The following USP9Y variants were observed in gnomAD, a reference collection of about 807,000 sequenced individuals.
USP9Y encodes ubiquitin carboxyl-terminal hydrolase 9Y.
Under a neutral mutation model 53.1 loss-of-function variants are expected in USP9Y, and 41 were observed. That is an observed-to-expected ratio of 0.77 (90% CI 0.60 to 1.00). The LOEUF is 1.00. USP9Y is among the 50% of genes least tolerant of loss of function. The pLI is 0.00. For synonymous variants in USP9Y, 220 were observed against 173.7 expected, an observed-to-expected ratio of 1.27 and a Z score of -2.09; for missense variants, 567 against 535.8, an observed-to-expected ratio of 1.06 and a Z score of -0.58.
intron 22 of USP9Y, among the ~76,000 whole-genome samples, chrY:12,784,022 G>A (rs2053499846): frequency 3.0e-5 from 1 of 33,571 alleles, no homozygotes; most frequent in South Asian, 6.6e-4. Context: ...AGGCTGCCAT[G>A]CAACATACAA....
chrY:12,773,735 C>T lies in USP9Y; in HGVS notation c.2141C>T (p.Pro714Leu), dbSNP rs947931066. The T allele has an allele frequency of 5.0e-6, 2 of 396,624 alleles. No homozygotes were observed. The highest frequency in any genetic ancestry group is 7.1e-6 in the Non-Finnish European group (2 of 283,183). The change falls in exon 17 of 46, where the codon CCT (proline) becomes CTT (leucine). Residue 714 changes from proline (P) to leucine (L), a missense_variant. Coordinates refer to ENST00000338981, the MANE Select transcript of USP9Y (RefSeq NM_004654.4). ...ATGGGGGATGAACCAGACTTGGATCCTGATATTAATAAGGACTTCTTTGAA... is the reference window on the plus strand; with the variant it reads ...ATGGGGGATGAACCAGACTTGGATCTTGATATTAATAAGGACTTCTTTGAA... The part of the protein sequence containing the change: ...KLMGDEPDLD[P>L]DINKDFFESN...
chrY:12,751,972 G>C (rs1356972730), intron 12 of USP9Y, among the ~76,000 whole-genome samples: 16 of 33,128 alleles, frequency 4.8e-4, no homozygotes, highest in Non-Finnish European at 1.0e-3. Context: ...ATTGATCTTT[G>C]TTCCTGTGCC....
At position 12,818,591 on chromosome Y, in the gene USP9Y, G is replaced by A; in HGVS notation, c.5002G>A (p.Gly1668Arg). 2.5e-6 allele frequency: 1 copy of A among 395,906 alleles called. No homozygotes were observed. Among genetic ancestry groups the A allele is most frequent in the African/African-American group, 6.4e-5 (1 of 15,546 alleles). Residue 1668 changes from glycine (G) to arginine (R), a missense_variant, in exon 33 of 46, where the codon GGA becomes AGA. Coordinates refer to ENST00000338981, the MANE Select transcript of USP9Y (RefSeq NM_004654.4). ...CCAACTACAATACTATGTACCCAGAGGATTTTGGAAACAGTTCAGGTAAAT... is the reference window on the plus strand; with the variant it reads ...CCAACTACAATACTATGTACCCAGAAGATTTTGGAAACAGTTCAGGTAAAT... ...ASQLQYYVPR[G>R]FWKQFRLWGE... is the part of the protein sequence containing the mutation.
chrY:12,722,790 CAT>C (rs2053437088), intron 5 of USP9Y, among the ~76,000 whole-genome samples: 1 of 33,656 alleles, frequency 3.0e-5, no homozygotes, highest in African/African-American at 1.2e-4. Context: ...ACTTAAGTCA[CAT>C]GTGATTGAGA....
At chrY:12,789,879 G>A in intron 24 of USP9Y, among the ~76,000 whole-genome samples, 1 of 32,730 alleles carries the variant, frequency 3.1e-5, no homozygotes, top group Non-Finnish European at 7.5e-5. Flanking sequence ...GGCAAAGGGG[G>A]ACCAGGAGAA....
At chrY:12,812,662 T>G in intron 30 of USP9Y, among the ~76,000 whole-genome samples, 168 bp from the exon 31 acceptor site, 1 of 33,942 alleles carries the variant, frequency 2.9e-5, no homozygotes, top group African/African-American at 1.1e-4. Context: ...GGAAAACTGA[T>G]TACATTTATT....
intron 42 of USP9Y, 26 bp from the exon 43 acceptor site, chrY:12,856,314 A>G (rs2053576150): frequency 2.6e-6 from 1 of 388,920 alleles, no homozygotes; most frequent in African/African-American, 6.4e-5. Context: ...GGATATTACA[A>G]AGTTTTACAT....
At chrY:12,856,157 C>T in intron 42 of USP9Y, among the ~76,000 whole-genome samples, 183 bp from the exon 43 acceptor site, 1 of 32,758 alleles carries the variant, frequency 3.1e-5, no homozygotes, top group Non-Finnish European at 7.5e-5. Context: ...GCTGTCTGTA[C>T]TTGTTTTCTC....
intron 12 of USP9Y, among the ~76,000 whole-genome samples, chrY:12,742,161 A>T: frequency 3.0e-5 from 1 of 33,743 alleles, no homozygotes; most frequent in Non-Finnish European, 7.3e-5. Context: ...TCCAGAATTT[A>T]TTCCTTCCTG....
At chrY:12,762,973 AT>A (rs2053476825) in intron 15 of USP9Y, among the ~76,000 whole-genome samples, 3 of 33,428 alleles carry the variant, frequency 9.0e-5, no homozygotes. Context: ...TATGATTAGG[AT>A]TATATAAACC....
At chrY:12,812,787 AT>A in intron 30 of USP9Y, 42 bp from the exon 31 acceptor site, 2 of 290,808 alleles carry the variant, frequency 6.9e-6, no homozygotes, top group Non-Finnish European at 1.1e-5. Context: ...CCTAACCTAT[AT>A]TTTCTACTAA....
At chrY:12,785,161 A>G (rs776965170) in intron 22 of USP9Y, among the ~76,000 whole-genome samples, 1 of 32,767 alleles carries the variant, frequency 3.1e-5, no homozygotes, top group East Asian at 7.9e-4. Context: ...CAACTCTTCT[A>G]TTTCTTCCTG....
At position 12,812,907 on chromosome Y, in the gene USP9Y, G is replaced by T. The variant is rs1319908319; in HGVS notation, c.4464G>T (p.Glu1488Asp). 1 of 398,129 alleles carries T rather than the reference G, an allele frequency of 2.5e-6. No homozygotes were observed. Among genetic ancestry groups the T allele is most frequent in the South Asian group, 3.0e-5 (1 of 33,780 alleles). ...TAAGAAGTGGAGAACTACCAGCTGA[G>T]CAGGCTATTCCAGTCTGTAGTTCAC... Reference protein sequence around the residue: ...QYLRSGELPAEQAIPVCSSPV... With the variant: ...QYLRSGELPADQAIPVCSSPV... The change falls in exon 31 of 46, where the codon GAG becomes GAT. Residue 1488 changes from glutamate (E) to aspartate (D), a missense_variant. Coordinates refer to ENST00000338981, the MANE Select transcript of USP9Y (RefSeq NM_004654.4).
At chrY:12,784,078 T>C in intron 22 of USP9Y, among the ~76,000 whole-genome samples, 1 of 33,694 alleles carries the variant, frequency 3.0e-5, no homozygotes, top group African/African-American at 1.2e-4. Context: ...ACTTTGTGTA[T>C]AATTTGGATG....
intron 12 of USP9Y, among the ~76,000 whole-genome samples, chrY:12,745,897 G>A: frequency 3.0e-5 from 1 of 33,769 alleles, no homozygotes; most frequent in Non-Finnish European, 7.3e-5. Context: ...AGTCCATTCT[G>A]TTAACTATTG....
chrY:12,792,574 G>C, intron 26 of USP9Y, among the ~76,000 whole-genome samples: 1 of 34,301 alleles, frequency 2.9e-5, no homozygotes, highest in African/African-American at 1.1e-4. Flanking sequence ...TGGTTATTCT[G>C]TTCCAAACGT....
chrY:12,852,695 G>C (rs372068384), intron 42 of USP9Y, among the ~76,000 whole-genome samples: 4 of 33,219 alleles, frequency 1.2e-4, no homozygotes, highest in African/African-American at 4.7e-4. Flanking sequence ...TACAGATGGG[G>C]TGTTGGTGTT....
chrY:12,771,202 T>C (rs754306005), intron 16 of USP9Y, 47 bp downstream of exon 16: 1 of 256,612 alleles, frequency 3.9e-6, no homozygotes, highest in South Asian at 3.4e-5. Context: ...ACTGCAGTGA[T>C]AAGGAATGCA....
intron 15 of USP9Y, among the ~76,000 whole-genome samples, chrY:12,761,484 A>G: frequency 3.0e-5 from 1 of 33,430 alleles, no homozygotes; most frequent in South Asian, 6.7e-4. Context: ...CTATCTTGGC[A>G]TGTTGAAGGT....
Sources: gnomAD v4.1 joint callset for allele counts (sites outside exome capture counted in the v4.1 genomes callset) on GRCh38, gnomAD v4.1.1 for gene constraint, MANE v1.5 for transcripts, NCBI Gene and HGNC (gene_info 2026-07-23, HGNC 2026-07-21) for gene names.